NRXN1: variants seen among roughly 807,000 people sequenced by gnomAD.
The protein encoded by NRXN1 is neurexin 1, also known as neurexin-1.
Under a neutral mutation model 150.9 loss-of-function variants are expected in NRXN1, and 39 were observed. The ratio of observed to expected loss-of-function variants is 0.26; its 90% confidence interval spans 0.20 to 0.34. The LOEUF (loss-of-function observed/expected upper bound fraction) is 0.34, where lower values mean the gene tolerates loss of function less well. Among genes scored for constraint, NRXN1 ranks in the 10% least tolerant of loss-of-function variants. NRXN1 has a pLI of 1.00. For missense variants in NRXN1, 1,815 were observed against 1,949.9 expected, an observed-to-expected ratio of 0.93 and a Z score of 1.30; for synonymous variants, 924 against 757.0, an observed-to-expected ratio of 1.22 and a Z score of -3.62.
chr2:50,821,145 A>G (rs950235937), intron 5 of NRXN1, among the ~76,000 whole-genome samples: 6 of 152,156 alleles, frequency 3.9e-5, no homozygotes, highest in African/African-American at 1.4e-4. Context: ...AATTAAGAAT[A>G]TGAAGAGTAT....
chr2:50,874,336 G>A (rs751257644), intron 5 of NRXN1, among the ~76,000 whole-genome samples: 7 of 151,730 alleles, frequency 4.6e-5, no homozygotes, highest in Non-Finnish European at 1.0e-4. Context: ...TTCTTTGTCA[G>A]GTACTTGATA....
At chr2:50,472,267 T>C (rs1224194633) in intron 16 of NRXN1, 31 bp downstream of exon 16, 1 of 1,489,318 alleles carries the variant, frequency 6.7e-7, no homozygotes, top group Non-Finnish European at 9.0e-7. Flanking sequence ...GAATTAGAAT[T>C]ATTTAGAGCA....
chr2:50,995,724 T>C lies in NRXN1; in HGVS notation c.772+31778A>G, dbSNP rs376713173. Among the ~76,000 whole-genome samples, 6 of 152,112 alleles carry C rather than the reference T, an allele frequency of 3.9e-5. No homozygotes were observed. The East Asian group carries it at 9.7e-4, about 25-fold the overall frequency. ...ATAAATAGCACCCCATCTAGTAGTT[T>C]CTCTTTCAGTCATGGATAAATGCAA... is the stretch of plus-strand genomic sequence containing the variant. On this transcript the variant is annotated intron_variant, in intron 2 of 22. Coordinates refer to ENST00000401669, the MANE Select transcript of NRXN1 (RefSeq NM_001330078.2).
intron 18 of NRXN1, among the ~76,000 whole-genome samples, chr2:50,162,132 G>A (rs1018658854): frequency 1.3e-5 from 2 of 152,036 alleles, no homozygotes; most frequent in South Asian, 2.1e-4. Context: ...CCAAAGTTAT[G>A]CCCAAATTGC....
intron 18 of NRXN1, among the ~76,000 whole-genome samples, chr2:50,129,375 T>C (rs916690515): frequency 6.6e-6 from 1 of 152,212 alleles, no homozygotes; most frequent in African/African-American, 2.4e-5. Context: ...TGCTGAGAAG[T>C]CTACTGCCTT....
intron 2 of NRXN1, among the ~76,000 whole-genome samples, chr2:51,010,569 G>A (rs1667683536): frequency 6.6e-6 from 1 of 151,928 alleles, no homozygotes; most frequent in Admixed American, 6.6e-5. Flanking sequence ...ATGAGTACCA[G>A]TGCTAATATA....
intron 17 of NRXN1, among the ~76,000 whole-genome samples, chr2:50,429,396 A>G (rs1049786036): frequency 1.8e-4 from 27 of 152,070 alleles, no homozygotes; most frequent in African/African-American, 6.3e-4. Flanking sequence ...AGCTGAAATT[A>G]CAGGCACATG....
intron 5 of NRXN1, among the ~76,000 whole-genome samples, chr2:50,883,450 G>A (rs1477062957): frequency 3.6e-5 from 5 of 140,054 alleles, no homozygotes; most frequent in Non-Finnish European, 7.7e-5. Context: ...TTAAGTATTT[G>A]TACACAACTG....
intron 2 of NRXN1, among the ~76,000 whole-genome samples, chr2:50,951,516 T>C (rs1312459011): frequency 6.6e-6 from 1 of 152,172 alleles, no homozygotes; most frequent in African/African-American, 2.4e-5. Context: ...CACTAATTTT[T>C]TTTCAGAATA....
At chr2:49,927,952 G>A (rs895794833) in intron 22 of NRXN1, among the ~76,000 whole-genome samples, 9 of 152,118 alleles carry the variant, frequency 5.9e-5, no homozygotes, top group African/African-American at 2.2e-4. Context: ...TATTTCTTCA[G>A]TATAGACTGT....
At chr2:51,027,140 G>A (rs1265443567) in intron 2 of NRXN1, among the ~76,000 whole-genome samples, 3 of 152,200 alleles carry the variant, frequency 2.0e-5, no homozygotes, top group South Asian at 2.1e-4. Context: ...TTTAGAAGTG[G>A]TAGAGACAAG....
At chr2:49,984,186 A>G (rs1680507732) in intron 21 of NRXN1, among the ~76,000 whole-genome samples, 1 of 152,160 alleles carries the variant, frequency 6.6e-6, no homozygotes, top group African/African-American at 2.4e-5. Context: ...AGAAAAAAAA[A>G]TCAGAAAAAG....
chr2:50,097,533 T>C (rs192802493), intron 18 of NRXN1, among the ~76,000 whole-genome samples: 44 of 152,180 alleles, frequency 2.9e-4, no homozygotes, highest in African/African-American at 1.1e-3. Flanking sequence ...GTCTGGAGCC[T>C]ATAGTCACAG....
At chr2:50,190,613 CT>C (rs11427672) in intron 18 of NRXN1, among the ~76,000 whole-genome samples, 2,713 of 132,450 alleles carry the variant, frequency 0.02, 48 homozygotes, top group African/African-American at 0.069. Flanking sequence ...CTTTTTTTTT[CT>C]TTTTTTTTTT....
At chr2:50,360,881 A>G (rs981740274) in intron 17 of NRXN1, among the ~76,000 whole-genome samples, 1 of 152,212 alleles carries the variant, frequency 6.6e-6, no homozygotes, top group African/African-American at 2.4e-5. Context: ...CTCCTCGGCA[A>G]ATGCAAAAGA....
At chr2:50,968,129 G>A (rs1246028538) in intron 2 of NRXN1, among the ~76,000 whole-genome samples, 1 of 151,982 alleles carries the variant, frequency 6.6e-6, no homozygotes, top group East Asian at 1.9e-4. Context: ...AAAGAATGAT[G>A]GCAAAACTTT....
chr2:50,189,073 T>C (rs993560795), intron 18 of NRXN1, among the ~76,000 whole-genome samples: 1 of 152,172 alleles, frequency 6.6e-6, no homozygotes, highest in Non-Finnish European at 1.5e-5. Flanking sequence ...CACACGTATG[T>C]TTATTGCAGC....
chr2:50,160,306 C>T (rs766546858), intron 18 of NRXN1, among the ~76,000 whole-genome samples: 2 of 151,988 alleles, frequency 1.3e-5, no homozygotes, highest in South Asian at 2.1e-4. Flanking sequence ...TTTGGGAGGT[C>T]GAGGTGGGCA....
At chr2:50,238,389 A>C (rs181731712) in intron 17 of NRXN1, among the ~76,000 whole-genome samples, 2 of 152,034 alleles carry the variant, frequency 1.3e-5, no homozygotes, top group Non-Finnish European at 2.9e-5. Flanking sequence ...CAGTCCCATA[A>C]TCGATACCCC....
Sources: gnomAD v4.1 joint callset for allele counts (sites outside exome capture counted in the v4.1 genomes callset) on GRCh38, gnomAD v4.1.1 for gene constraint, MANE v1.5 for transcripts, NCBI Gene and HGNC (gene_info 2026-07-23, HGNC 2026-07-21) for gene names.